CLCN5: variants seen among roughly 807,000 people sequenced by gnomAD.
CLCN5 encodes the protein H(+)/Cl(-) exchange transporter 5.
A neutral mutation model predicts 54.0 loss-of-function variants in CLCN5; 17 were observed. The ratio of observed to expected loss-of-function variants is 0.31; its 90% confidence interval spans 0.22 to 0.47. The LOEUF (loss-of-function observed/expected upper bound fraction) is 0.47. Among genes scored for constraint, CLCN5 ranks in the 20% least tolerant of loss-of-function variants. The pLI is 1.00. For missense variants in CLCN5, 448 were observed against 646.7 expected (o/e 0.69, Z 3.33); for synonymous variants, 222 against 233.0 (o/e 0.95, Z 0.43).
chrX:49,987,364 G>A (rs1248783008), intron 3 of CLCN5, among the ~76,000 whole-genome samples: 1 of 111,947 alleles, frequency 8.9e-6, no homozygotes, highest in Non-Finnish European at 1.9e-5. Flanking sequence ...TGGAGAGTAA[G>A]CAGTACATTT....
intron 4 of CLCN5, chrX:50,068,041 G>A (rs1270531119): frequency 8.9e-6 from 1 of 111,893 alleles, no homozygotes; most frequent in East Asian, 2.8e-4. Context: ...GATATATAGT[G>A]TATCATTAGA....
intron 3 of CLCN5, among the ~76,000 whole-genome samples, chrX:49,935,004 G>T (rs1265422342): frequency 1.8e-5 from 2 of 111,776 alleles, no homozygotes; most frequent in East Asian, 5.6e-4. Context: ...TTTGAGAATG[G>T]TGAGAGACAG....
intron 3 of CLCN5, among the ~76,000 whole-genome samples, chrX:50,010,457 G>A (rs1177198638): frequency 9.0e-6 from 1 of 110,863 alleles, no homozygotes; most frequent in Non-Finnish European, 1.9e-5. Flanking sequence ...TGCCCAAGCT[G>A]GTCTCAAACT....
intron 3 of CLCN5, among the ~76,000 whole-genome samples, chrX:49,973,136 C>A (rs1416883969): frequency 9.0e-6 from 1 of 111,332 alleles, no homozygotes; most frequent in African/African-American, 3.3e-5. Context: ...AAACCTGGCT[C>A]TGATTGTCCC....
chrX:50,002,236 T>C (rs1198754059), intron 3 of CLCN5, among the ~76,000 whole-genome samples: 1 of 110,954 alleles, frequency 9.0e-6, no homozygotes, highest in African/African-American at 3.3e-5. Context: ...CAGATGCCTA[T>C]GTCCAACTAT....
At chrX:49,934,146 T>C (rs782284653) in intron 3 of CLCN5, among the ~76,000 whole-genome samples, 1 of 111,504 alleles carries the variant, frequency 9.0e-6, no homozygotes, top group African/African-American at 3.3e-5. Flanking sequence ...CTTGGGTATC[T>C]TACAGTTTTC....
In CLCN5 at chrX:49,962,733, T is replaced by G. The variant is rs1370582306; in HGVS notation, c.16+37419T>G. Among the ~76,000 whole-genome samples the G allele has an allele frequency of 4.5e-5, 5 of 112,095 alleles. No homozygotes were observed. In the East Asian group the frequency reaches 1.4e-3, roughly 31 times the overall value. ...TTAGGCTTTAAATGTCATTCTCACC[T>G]TGAGCTTCCCTCAAATGAAAATTTG... On this transcript the variant is annotated intron_variant, in intron 3 of 14. Coordinates refer to ENST00000376091, the MANE Select transcript of CLCN5 (RefSeq NM_001127898.4).
At chrX:49,939,196 TA>T (rs1557170268) in intron 3 of CLCN5, among the ~76,000 whole-genome samples, 1 of 111,616 alleles carries the variant, frequency 9.0e-6, no homozygotes, top group Admixed American at 9.5e-5. Context: ...GGTGGGACTG[TA>T]AACTAGTTCA....
At chrX:50,028,635 T>G (rs1462408839) in intron 3 of CLCN5, among the ~76,000 whole-genome samples, 1 of 112,014 alleles carries the variant, frequency 8.9e-6, no homozygotes, top group Non-Finnish European at 1.9e-5. Context: ...AGTTCTCTGA[T>G]GGAGCTGAGA....
At chrX:49,964,671 CATTT>C (rs1368833740) in intron 3 of CLCN5, among the ~76,000 whole-genome samples, 3 of 111,703 alleles carry the variant, frequency 2.7e-5, no homozygotes, top group Non-Finnish European at 5.6e-5. Flanking sequence ...TTATCAAACT[CATTT>C]ATCCCTATAT....
At chrX:49,933,183 A>G (rs1483286405) in intron 3 of CLCN5, among the ~76,000 whole-genome samples, 1 of 111,607 alleles carries the variant, frequency 9.0e-6, no homozygotes, top group Non-Finnish European at 1.9e-5. Context: ...TATCTGGCAC[A>G]GTGCCTCACC....
intron 3 of CLCN5, chrX:50,009,618 T>C (rs1000551115): frequency 5.7e-6 from 2 of 351,882 alleles, no homozygotes; most frequent in African/African-American, 5.2e-5. Context: ...GAGGCATCTG[T>C]CTTAGCAAAT....
intron 3 of CLCN5, among the ~76,000 whole-genome samples, chrX:49,926,767 ATCAGATTTTG>A (rs1298164758): frequency 8.9e-6 from 1 of 112,347 alleles, no homozygotes; most frequent in Non-Finnish European, 1.9e-5. Context: ...AAGTAACATA[ATCAGATTTTG>A]TTTTAGAAAG....
chrX:49,975,000 A>G, intron 3 of CLCN5, among the ~76,000 whole-genome samples: 1 of 112,220 alleles, frequency 8.9e-6, no homozygotes. Flanking sequence ...CTGGAGATAC[A>G]CTGAAGAACA....
intron 4 of CLCN5, among the ~76,000 whole-genome samples, chrX:50,055,355 C>T (rs989592472): frequency 8.9e-6 from 1 of 111,854 alleles, no homozygotes; most frequent in Non-Finnish European, 1.9e-5. Context: ...GAGATTAAGG[C>T]AGTTGCCCAA....
At chrX:49,970,842 T>C (rs1176160114) in intron 3 of CLCN5, among the ~76,000 whole-genome samples, 1 of 111,738 alleles carries the variant, frequency 8.9e-6, no homozygotes, top group Non-Finnish European at 1.9e-5. Context: ...GCCAAACTGC[T>C]TTCTAAAGCA....
chrX:49,994,450 G>A (rs1188464106), intron 3 of CLCN5, among the ~76,000 whole-genome samples: 1 of 110,929 alleles, frequency 9.0e-6, no homozygotes, highest in Non-Finnish European at 1.9e-5. Flanking sequence ...CCAGAATACT[G>A]TACCATATAA....
chrX:50,030,413 T>A (rs190082222), intron 3 of CLCN5, among the ~76,000 whole-genome samples: 21 of 112,123 alleles, frequency 1.9e-4, no homozygotes, highest in African/African-American at 5.8e-4. Context: ...ACCTCCTAAT[T>A]TATGAGTTCA....
chrX:50,048,674 T>C (rs782377286), intron 4 of CLCN5, among the ~76,000 whole-genome samples: 4 of 111,354 alleles, frequency 3.6e-5, no homozygotes, highest in Non-Finnish European at 7.5e-5. Flanking sequence ...AGCATATCCT[T>C]ATTTTTTGGC....
Sources: gnomAD v4.1 joint callset for allele counts (sites outside exome capture counted in the v4.1 genomes callset) on GRCh38, gnomAD v4.1.1 for gene constraint, MANE v1.5 for transcripts, NCBI Gene and HGNC (gene_info 2026-07-23, HGNC 2026-07-21) for gene names.